Variants in BANP observed in about 807,000 individuals in gnomAD.
BANP encodes the protein protein BANP.
Under a neutral mutation model 68.1 loss-of-function variants are expected in BANP, and 11 were observed. The observed-to-expected ratio is 0.16, with a 90% CI of 0.10 to 0.27. The LOEUF (loss-of-function observed/expected upper bound fraction) is 0.27. BANP is among the 10% of genes least tolerant of loss of function. The probability of loss-of-function intolerance (pLI) is 1.00; values close to 1 mark genes in which losing one functional copy is unlikely to be tolerated. For synonymous variants in BANP, 329 were observed against 303.2 expected (o/e 1.09, Z -0.88); for missense variants, 504 against 722.7 (o/e 0.70, Z 3.47).
At chr16:87,968,477 T>A (rs1226023416) in intron 1 of BANP, among the ~76,000 whole-genome samples, 1 of 121,796 alleles carries the variant, frequency 8.2e-6, no homozygotes, top group African/African-American at 3.3e-5. Flanking sequence ...AGAGTGAAAC[T>A]CTGTCTCAAA....
intron 1 of BANP, among the ~76,000 whole-genome samples, chr16:87,974,590 C>T (rs979492057): frequency 8.5e-5 from 13 of 152,106 alleles, no homozygotes; most frequent in East Asian, 1.9e-4. Context: ...GGAGAGGTGG[C>T]GTATCACCAC....
At chr16:88,041,765 G>C (rs1232431311) in intron 11 of BANP, among the ~76,000 whole-genome samples, 1 of 152,246 alleles carries the variant, frequency 6.6e-6, no homozygotes, top group Admixed American at 6.5e-5. Flanking sequence ...ACTCACAGCT[G>C]TTCGTTGACT....
intron 7 of BANP, among the ~76,000 whole-genome samples, chr16:88,024,734 C>T (rs376783546): frequency 3.3e-5 from 5 of 152,242 alleles, no homozygotes; most frequent in East Asian, 1.9e-4. Flanking sequence ...AGGGGGCATT[C>T]GCCCAGGCTG....
intron 7 of BANP, among the ~76,000 whole-genome samples, chr16:88,023,690 C>T (rs2076437803): frequency 6.6e-6 from 1 of 152,174 alleles, no homozygotes. Flanking sequence ...CTCTCATGGC[C>T]CCACAGATGG....
rs935554463 is a variant in BANP at position 88,064,814 on chromosome 16, C to T, written c.1312-453C>T. 6.6e-6 allele frequency among the ~76,000 whole-genome samples: 1 copy of T among 152,238 alleles called. No homozygotes were observed. Among genetic ancestry groups the T allele is most frequent in the African/African-American group, 2.4e-5 (1 of 41,478 alleles). ...GGCTGGGATAGGAGACAGCCAGGAC[C>T]CCTCAGCTTCTGAGGGCCGTGGCCT... On this transcript the variant is annotated intron_variant, in intron 11 of 13. Transcript: ENST00000682872. This position sits in a 1 kb window ranked among gnomAD's most constrained non-coding sequence, Gnocchi z 4.5.
intron 4 of BANP, among the ~76,000 whole-genome samples, chr16:88,001,534 G>A (rs968072672): frequency 6.6e-6 from 1 of 152,220 alleles, no homozygotes; most frequent in Non-Finnish European, 1.5e-5. Context: ...TTTAAAAAAA[G>A]TATTCTTTTG....
chr16:88,014,540 C>T (rs2074025222), intron 6 of BANP, among the ~76,000 whole-genome samples: 1 of 152,056 alleles, frequency 6.6e-6, no homozygotes, highest in South Asian at 2.1e-4. Context: ...AATTCTTGTC[C>T]AGTGTTTACT....
intron 2 of BANP, 93 bp downstream of exon 2, chr16:87,975,278 A>T (rs1348928431): frequency 3.1e-6 from 4 of 1,288,040 alleles, no homozygotes; most frequent in Non-Finnish European, 3.3e-6. Flanking sequence ...TTTAAGCAGA[A>T]GAAAAAGTAA....
chr16:88,006,638 C>T, intron 6 of BANP, among the ~76,000 whole-genome samples: 1 of 138,954 alleles, frequency 7.2e-6, no homozygotes, highest in African/African-American at 2.7e-5. Context: ...GAGGAAACTC[C>T]ATCTCAAAAA....
At chr16:88,047,918 A>G (rs1036625141) in intron 11 of BANP, among the ~76,000 whole-genome samples, 2 of 152,214 alleles carry the variant, frequency 1.3e-5, no homozygotes, top group African/African-American at 4.8e-5. Flanking sequence ...TTCTATCTGA[A>G]TTTAACCCTG....
chr16:88,076,452 T>C (rs547584903), intron 13 of BANP, 138 bp from the exon 14 acceptor site: 2 of 690,556 alleles, frequency 2.9e-6, no homozygotes, highest in South Asian at 3.9e-5. Context: ...GGGTGAGCCT[T>C]GGGGCCGTCA....
chr16:87,957,457 C>G lies in BANP; in HGVS notation c.-69+5942C>G, dbSNP rs1382035854. Among the ~76,000 whole-genome samples the G allele has an allele frequency of 6.6e-6, 1 of 152,082 alleles. No homozygotes were observed. The highest frequency in any genetic ancestry group is 2.4e-5 in the African/African-American group (1 of 41,408). ...TGGTTGAGACCGGATCCTGTGTGGACCGGGTGGGCTGGTGTGGAGTCCTGT... is the reference window on the plus strand; with the variant it reads ...TGGTTGAGACCGGATCCTGTGTGGAGCGGGTGGGCTGGTGTGGAGTCCTGT... On this transcript the variant is annotated intron_variant, in intron 1 of 13. Transcript: ENST00000682872. This position sits in a 1 kb window ranked among gnomAD's most constrained non-coding sequence, Gnocchi z 4.3.
At chr16:88,038,658 G>A in intron 11 of BANP, among the ~76,000 whole-genome samples, 1 of 152,198 alleles carries the variant, frequency 6.6e-6, no homozygotes, top group South Asian at 2.1e-4. Context: ...GAACACCCCA[G>A]TACGAATGGT....
chr16:87,974,192 T>C (rs1365329308), intron 1 of BANP, among the ~76,000 whole-genome samples: 1 of 152,236 alleles, frequency 6.6e-6, no homozygotes, highest in African/African-American at 2.4e-5. Flanking sequence ...ATTCCTCATT[T>C]CTACGGCATC....
At chr16:87,950,197 G>A (rs977579627), upstream of BANP, among the ~76,000 whole-genome samples, 5 of 152,056 alleles carry the variant, frequency 3.3e-5, no homozygotes, top group Non-Finnish European at 2.9e-5. Flanking sequence ...TTTTCCCAGT[G>A]AAAATAGCTG....
At chr16:87,994,961 C>T (rs908804987) in intron 4 of BANP, among the ~76,000 whole-genome samples, 3 of 152,104 alleles carry the variant, frequency 2.0e-5, no homozygotes, top group African/African-American at 7.2e-5. Flanking sequence ...GCAGTGTGGG[C>T]GATTCTGGTC....
rs1014823031 is a variant in BANP at position 88,036,898 on chromosome 16, G to A, written c.1273-1075G>A. On this transcript the variant is annotated intron_variant, in intron 10 of 13. Transcript: ENST00000682872. This position sits in a 1 kb window ranked among gnomAD's most constrained non-coding sequence, Gnocchi z 4.2. ...CAGGAGATGCGCCTGTCAGCTCAGC[G>A]AGGTCAGGTGCAGGAGTTGGGGGCC... is the stretch of plus-strand genomic sequence containing the variant. Among the ~76,000 whole-genome samples, 12 of 152,252 alleles carry A rather than the reference G, an allele frequency of 7.9e-5. No homozygotes were observed. Among genetic ancestry groups the A allele is most frequent in the African/African-American group, 2.9e-4 (12 of 41,538 alleles).
At chr16:88,059,447 A>G (rs1485587676) in intron 11 of BANP, among the ~76,000 whole-genome samples, 1 of 152,028 alleles carries the variant, frequency 6.6e-6, no homozygotes, top group African/African-American at 2.4e-5. Flanking sequence ...GTGTGGCCTC[A>G]CTTTAACTTA....
At chr16:87,953,455 G>C (rs113806243) in intron 1 of BANP, among the ~76,000 whole-genome samples, 4 of 152,228 alleles carry the variant, frequency 2.6e-5, no homozygotes, top group South Asian at 2.1e-4. Flanking sequence ...GTGATCCTCA[G>C]CCTCCTTAGT....
Sources: gnomAD v4.1 joint callset for allele counts (sites outside exome capture counted in the v4.1 genomes callset) on GRCh38, gnomAD v4.1.1 for gene constraint, Gnocchi (gnomAD v3.1) non-coding constraint, MANE v1.5 for transcripts, NCBI Gene and HGNC (gene_info 2026-07-23, HGNC 2026-07-21) for gene names.